VPS13A: variants seen among roughly 807,000 people sequenced by gnomAD.
VPS13A encodes intermembrane lipid transfer protein VPS13A.
A neutral mutation model predicts 390.9 loss-of-function variants in VPS13A; 264 were observed. The observed-to-expected ratio is 0.68, with a 90% CI of 0.61 to 0.75. The LOEUF is 0.75. Among genes scored for constraint, VPS13A ranks in the 30% least tolerant of loss-of-function variants. The pLI is 0.00. For synonymous variants in VPS13A, 1,231 were observed against 1,227.1 expected (o/e 1.00, Z -0.07); for missense variants, 3,409 against 3,733.9 (o/e 0.91, Z 2.27).
intron 19 of VPS13A, among the ~76,000 whole-genome samples, chr9:77,240,074 C>T (rs116748844): frequency 0.014 from 2,168 of 151,482 alleles, 48 homozygotes; most frequent in African/African-American, 0.05. Flanking sequence ...GCATTTACTA[C>T]CTTCTTTGCT....
chr9:77,316,552 A>G, intron 39 of VPS13A, 146 bp downstream of exon 39: 1 of 660,758 alleles, frequency 1.5e-6, no homozygotes, highest in South Asian at 1.8e-5. Flanking sequence ...AATTTAGAAT[A>G]TTATTTACCA....
intron 67 of VPS13A, among the ~76,000 whole-genome samples, chr9:77,375,830 A>G (rs1364614497): frequency 6.6e-6 from 1 of 152,214 alleles, no homozygotes; most frequent in African/African-American, 2.4e-5. Flanking sequence ...CACTTCTCTA[A>G]TCACTTGAGG....
At chr9:77,386,065 T>C (rs962820542) in intron 68 of VPS13A, among the ~76,000 whole-genome samples, 2 of 152,216 alleles carry the variant, frequency 1.3e-5, no homozygotes, top group Admixed American at 6.5e-5. Context: ...AAAACTGTTA[T>C]GTAAACATCA....
At chr9:77,196,169 A>C (rs113358203) in intron 1 of VPS13A, among the ~76,000 whole-genome samples, 2 of 152,114 alleles carry the variant, frequency 1.3e-5, no homozygotes, top group Non-Finnish European at 2.9e-5. Flanking sequence ...ACCTTGCATA[A>C]CGTCAATCTT....
intron 63 of VPS13A, among the ~76,000 whole-genome samples, chr9:77,369,859 TA>T (rs1434917134): frequency 1.3e-5 from 2 of 152,238 alleles, no homozygotes; most frequent in African/African-American, 4.8e-5. Flanking sequence ...AAAATAAAGT[TA>T]ACATTAATTT....
intron 59 of VPS13A, 95 bp downstream of exon 59, chr9:77,360,736 A>T: frequency 2.1e-6 from 2 of 935,582 alleles, no homozygotes; most frequent in South Asian, 1.5e-5. Context: ...GTTGCATTTT[A>T]AAAATACAAT....
At position 77,344,361 on chromosome 9, in the gene VPS13A, C is replaced by G. The variant is rs182006955; in HGVS notation, c.7155+80C>G. On this transcript the variant is annotated intron_variant, in intron 51 of 71. Transcript: ENST00000360280. ...CTAGTATTGTATTTATTTTTTGTAT[C>G]AAATAATTACTTCTGTTGATTTTTC... 8.2e-4 allele frequency: 1,174 copies of G among 1,431,418 alleles called. 4 individuals carry two copies. Among genetic ancestry groups the G allele is most frequent in the South Asian group, 5.0e-3 (397 of 79,876 alleles). The allele number at this position is 1,431,418 out of a possible 1,614,324, so 88.7% of individuals were successfully genotyped here. A position where few individuals can be genotyped will look rare whatever the true frequency, so the allele number is the denominator to read the frequency against.
chr9:77,313,492 C>T (rs1216339920), intron 35 of VPS13A, among the ~76,000 whole-genome samples: 2 of 152,020 alleles, frequency 1.3e-5, no homozygotes, highest in East Asian at 1.9e-4. Context: ...GAAAGTGCTG[C>T]GTTTTCATTT....
intron 26 of VPS13A, chr9:77,279,947 G>T: frequency 2.4e-6 from 1 of 415,838 alleles, no homozygotes; most frequent in East Asian, 5.0e-5. Context: ...TCAGTGTTGT[G>T]GCACATGAGG....
At chr9:77,384,304 C>T (rs867530504) in intron 68 of VPS13A, among the ~76,000 whole-genome samples, 13 of 151,616 alleles carry the variant, frequency 8.6e-5, no homozygotes, top group Non-Finnish European at 1.9e-4. Context: ...TCAAAGTTGC[C>T]TATTAGAGAA....
chr9:77,384,559 T>G (rs770490622), intron 68 of VPS13A: 4 of 1,611,242 alleles, frequency 2.5e-6, no homozygotes, highest in Non-Finnish European at 3.4e-6. Flanking sequence ...CCTTTGTGCT[T>G]CTTTTTTCCT....
intron 24 of VPS13A, among the ~76,000 whole-genome samples, chr9:77,274,572 AT>A (rs1174442543): frequency 5.3e-5 from 8 of 151,996 alleles, no homozygotes; most frequent in Non-Finnish European, 8.8e-5. Context: ...GCTATAGTAT[AT>A]TTAAAACATT....
At chr9:77,384,719 A>G (rs764371653) in intron 68 of VPS13A, 1 of 1,571,674 alleles carries the variant, frequency 6.4e-7, no homozygotes, top group South Asian at 1.1e-5. Context: ...GGAATGTTTC[A>G]TTAACATGTT....
chr9:77,228,954 A>T (rs1375993138), intron 17 of VPS13A, among the ~76,000 whole-genome samples: 1 of 152,204 alleles, frequency 6.6e-6, no homozygotes, highest in African/African-American at 2.4e-5. Flanking sequence ...CATGATTCAA[A>T]TTATCTCCCA....
In VPS13A at chr9:77,344,994, TTTTC is replaced by T. The variant is rs775145572; in HGVS notation, c.7156-8_7156-5del. On this transcript the variant is annotated splice_polypyrimidine_tract_variant and intron_variant, in intron 51 of 71. Coordinates refer to ENST00000360280, the MANE Select transcript of VPS13A (RefSeq NM_033305.3). ...AAATGATTACATTAAAATGTTTTCT[TTTTC>T]TTTCTTCTAGCTTGGAGGTATTATA... 16 of 1,609,248 alleles carry T rather than the reference TTTTC, an allele frequency of 9.9e-6. No homozygotes were observed. The highest frequency in any genetic ancestry group is 2.7e-5 in the African/African-American group (2 of 74,914).
chr9:77,401,330 TGTGTGTGTGTGTG>T (rs1432861068), intron 68 of VPS13A, among the ~76,000 whole-genome samples: 2 of 4,126 alleles, frequency 4.8e-4, no homozygotes, highest in African/African-American at 1.1e-3. Flanking sequence ...CACATGAAGT[TGTGTGTGTGTGTG>T]TGTGTGTGTG....
chr9:77,335,889 A>G (rs1434937368), intron 46 of VPS13A, among the ~76,000 whole-genome samples: 3 of 152,204 alleles, frequency 2.0e-5, no homozygotes, highest in East Asian at 1.9e-4. Context: ...TCATTGTACT[A>G]TAAAGACAGA....
rs761047477 is a variant in VPS13A at position 77,358,374 on chromosome 9, T to C, written c.7971T>C (p.His2657=). The change falls in exon 57 of 72, where the codon CAT becomes CAC. Residue 2657 remains histidine (H), a synonymous_variant. Transcript: ENST00000360280. ...IYRIQIQNQI[H]GAVFPFVFYP... ...TTTCTTAGATCCAAAATCAGATACA[T>C]GGTGCTGTATTTCCCTTTGTGTTTT... The C allele has an allele frequency of 2.5e-6, 4 of 1,613,436 alleles. No individual in the cohort carries two copies. In the East Asian group the frequency reaches 8.9e-5, roughly 36 times the overall value.
chr9:77,360,085 C>A (rs1346169000), intron 58 of VPS13A, among the ~76,000 whole-genome samples: 1 of 152,096 alleles, frequency 6.6e-6, no homozygotes, highest in Non-Finnish European at 1.5e-5. Context: ...GATAACCTAT[C>A]TTTATTTCCT....
Sources: allele counts gnomAD v4.1 joint callset (sites outside exome capture counted in the v4.1 genomes callset), GRCh38; gene constraint gnomAD v4.1.1; transcripts MANE v1.5; gene names NCBI Gene and HGNC (gene_info 2026-07-23, HGNC 2026-07-21).